The following ANO6 variants were observed in gnomAD, a reference collection of about 807,000 sequenced individuals.
The protein encoded by ANO6 is anoctamin-6.
Under a neutral mutation model 117.5 loss-of-function variants are expected in ANO6, and 106 were observed. The observed-to-expected ratio is 0.90, with a 90% CI of 0.77 to 1.06. The LOEUF (loss-of-function observed/expected upper bound fraction) is 1.06, where lower values mean the gene tolerates loss of function less well. ANO6 is among the 50% of genes least tolerant of loss of function. The pLI, the probability that ANO6 is intolerant of heterozygous loss-of-function variation, is 0.00. For synonymous variants in ANO6, 367 were observed against 385.1 expected, an observed-to-expected ratio of 0.95 and a Z score of 0.55; for missense variants, 955 against 1,121.1, an observed-to-expected ratio of 0.85 and a Z score of 2.12.
At chr12:45,301,827 A>G (rs568103411) in intron 1 of ANO6, among the ~76,000 whole-genome samples, 187 bp from the exon 2 acceptor site, 8 of 152,336 alleles carry the variant, frequency 5.3e-5, no homozygotes, top group Admixed American at 2.0e-4. Context: ...ATCGTCTGGT[A>G]GATCCAATAG....
In ANO6 at chr12:45,431,592, A is replaced by AT; in HGVS notation, c.*2282dup. The AT allele has an allele frequency of 1.5e-5, 15 of 985,464 alleles. No individual in the cohort carries two copies. The highest frequency in any genetic ancestry group is 1.6e-5 in the Non-Finnish European group (13 of 829,932). The allele number at this position is 985,464 out of a possible 1,614,324, so 61.0% of individuals were successfully genotyped here. A position where few individuals can be genotyped will look rare whatever the true frequency, so the allele number is the denominator to read the frequency against. ...AAATGTAATATCTGACACTGTTAAG[A>AT]TGCCCAAAAGAGCAAAGTTGTAGTG... On this transcript the variant is annotated 3_prime_UTR_variant, in exon 20 of 20. Transcript: ENST00000320560.
rs571114617 is a variant in ANO6, at chr12:45,429,525, A to T, written c.*214A>T. 2 of 1,369,462 alleles carry T rather than the reference A, an allele frequency of 1.5e-6. No individual in the cohort carries two copies. Among genetic ancestry groups the T allele is most frequent in the Middle Eastern group, 2.8e-4 (1 of 3,616 alleles). 84.8% of individuals were successfully genotyped at this position (1,369,462 alleles called of 1,614,324 possible). A position where few individuals can be genotyped will look rare whatever the true frequency, so the allele number is the denominator to read the frequency against. ...GAAGGGCATAAAACTTATCACCCGG[A>T]AAACCTCAATGTTACCTTTTTCTGA... On this transcript the variant is annotated 3_prime_UTR_variant, in exon 20 of 20. Coordinates refer to ENST00000320560, the MANE Select transcript of ANO6 (RefSeq NM_001025356.3).
chr12:45,437,303 T>C (rs1226187214), downstream of ANO6, among the ~76,000 whole-genome samples: 2 of 152,196 alleles, frequency 1.3e-5, no homozygotes, highest in Non-Finnish European at 2.9e-5. Flanking sequence ...ATAGACTGAA[T>C]GCAGGAGCAG....
intron 1 of ANO6, among the ~76,000 whole-genome samples, chr12:45,260,650 T>G (rs1035166835): frequency 1.3e-5 from 2 of 152,130 alleles, no homozygotes; most frequent in Non-Finnish European, 2.9e-5. Flanking sequence ...CAAGTCCTGC[T>G]CAGAGGGATT....
Position 45,312,226 on chromosome 12 carries a change from A to G in ANO6, c.150+10133A>G, listed in dbSNP as rs367961695. ...TATTTACCATGGAACTCATTTGATT[A>G]TAAGTCATCTAGAAGCATAATCACA... On this transcript the variant is annotated intron_variant, in intron 2 of 19. Coordinates refer to ENST00000320560, the MANE Select transcript of ANO6 (RefSeq NM_001025356.3). Among the ~76,000 whole-genome samples the G allele has an allele frequency of 1.9e-4, 29 of 152,218 alleles. No individual in the cohort carries two copies. In the East Asian group the frequency reaches 4.6e-3, roughly 24 times the overall value.
chr12:45,283,049 G>A lies in ANO6; in HGVS notation c.71-18965G>A, dbSNP rs372440367. On this transcript the variant is annotated intron_variant, in intron 1 of 19. Transcript: ENST00000320560. ...TAGAAGCATACTATTCTATTGTGCT[G>A]TAGTGTTGTCTGGATATTTTAGTTT... is the stretch of plus-strand genomic sequence containing the variant. Among the ~76,000 whole-genome samples, 188 of 152,304 alleles carry A rather than the reference G, an allele frequency of 1.2e-3. 3 individuals are homozygous for A. The South Asian group carries it at 0.036, about 30-fold the overall frequency.
intron 1 of ANO6, among the ~76,000 whole-genome samples, chr12:45,293,582 G>A (rs1172827290): frequency 6.6e-6 from 1 of 151,192 alleles, no homozygotes; most frequent in Non-Finnish European, 1.5e-5. Flanking sequence ...TTATTTTTTT[G>A]AGACAGTCTC....
intron 15 of ANO6, among the ~76,000 whole-genome samples, chr12:45,404,827 C>CA (rs919255625): frequency 3.2e-4 from 48 of 152,322 alleles, no homozygotes; most frequent in East Asian, 7.7e-4. Flanking sequence ...CGCCTCCTGC[C>CA]ATGTTGCCCT....
At chr12:45,343,017 GT>G (rs557142592) in intron 3 of ANO6, among the ~76,000 whole-genome samples, 4 of 152,098 alleles carry the variant, frequency 2.6e-5, no homozygotes, top group Non-Finnish European at 5.9e-5. Flanking sequence ...TTTCCAGTGA[GT>G]GGCTGCCCTT....
chr12:45,237,634 G>A (rs1046159359), intron 1 of ANO6, among the ~76,000 whole-genome samples: 1 of 152,212 alleles, frequency 6.6e-6, no homozygotes, highest in Non-Finnish European at 1.5e-5. Context: ...TAGGCTTGTA[G>A]TATAGTTTGA....
Position 45,348,218 on chromosome 12 carries a change from A to T in ANO6, c.536A>T (p.Gln179Leu), listed in dbSNP as rs1941191957. ...SVDESIIKPE[Q>L]EFFTAPFEKN... ...GACGAAAGCATCATCAAGCCAGAGC[A>T]AGAGTTTTTCACTGCCCCATTTGAG... is the stretch of plus-strand genomic sequence containing the variant. Residue 179 changes from glutamine to leucine, a missense_variant, in exon 5 of 20, where the codon CAA (glutamine) becomes CTA (leucine). Coordinates refer to ENST00000320560, the MANE Select transcript of ANO6 (RefSeq NM_001025356.3). 2 of 1,613,972 alleles carry T rather than the reference A, an allele frequency of 1.2e-6. No homozygotes were observed. The highest frequency in any genetic ancestry group is 2.7e-5 in the African/African-American group (2 of 74,906).
intron 10 of ANO6, among the ~76,000 whole-genome samples, chr12:45,380,297 CT>C (rs1372776902): frequency 6.6e-6 from 1 of 152,192 alleles, no homozygotes; most frequent in Non-Finnish European, 1.5e-5. Flanking sequence ...ATCTTGCCTA[CT>C]TACACCTGAT....
chr12:45,367,128 C>A (rs187144947), intron 8 of ANO6, among the ~76,000 whole-genome samples: 2 of 152,098 alleles, frequency 1.3e-5, no homozygotes, highest in African/African-American at 4.8e-5. Flanking sequence ...ATTACAGGCA[C>A]GCACCACCAT....
chr12:45,389,482 A>G (rs1942385616), intron 11 of ANO6, among the ~76,000 whole-genome samples: 1 of 152,260 alleles, frequency 6.6e-6, no homozygotes. Flanking sequence ...TGGTCATTTA[A>G]ACCTGCCAAT....
At chr12:45,253,868 A>G (rs1288379742) in intron 1 of ANO6, among the ~76,000 whole-genome samples, 1 of 152,198 alleles carries the variant, frequency 6.6e-6, no homozygotes, top group Non-Finnish European at 1.5e-5. Flanking sequence ...ATAATTCACC[A>G]TTCATCAGGA....
In ANO6 at chr12:45,429,295, G is replaced by A. The variant is rs371827697; in HGVS notation, c.2717G>A (p.Arg906Gln). ...ATAGAAGCAGTAGATAACAATTTAC[G>A]GCCAAAATCAGAATAAGAGCTTTAT... The part of the protein sequence containing the change: ...RMIEAVDNNL[R>Q]PKSE The change falls in exon 20 of 20, where the codon CGG becomes CAG. Residue 906 changes from arginine to glutamine, a missense_variant. By Grantham distance (43) the Arg-to-Gln change is conservative. Transcript: ENST00000320560. 3.1e-5 allele frequency: 50 copies of A among 1,613,238 alleles called. 1 individual carries two copies. The highest frequency in any genetic ancestry group is 5.5e-5 in the South Asian group (5 of 91,038).
chr12:45,315,137 C>G (rs562747558), intron 2 of ANO6, among the ~76,000 whole-genome samples: 2 of 152,254 alleles, frequency 1.3e-5, no homozygotes, highest in South Asian at 4.1e-4. Context: ...TGGAAATGTT[C>G]TGCCTCTGTG....
chr12:45,344,685 C>T (rs1024612053), intron 3 of ANO6, among the ~76,000 whole-genome samples: 6 of 152,140 alleles, frequency 3.9e-5, no homozygotes, highest in Non-Finnish European at 8.8e-5. Flanking sequence ...CCATGTCGGG[C>T]ATATACTGGT....
intron 1 of ANO6, among the ~76,000 whole-genome samples, chr12:45,274,033 T>C (rs1938470940): frequency 6.6e-6 from 1 of 152,212 alleles, no homozygotes; most frequent in Non-Finnish European, 1.5e-5. Context: ...TTCATGATGC[T>C]ACTTTATCTT....
Sources: allele counts gnomAD v4.1 joint callset (sites outside exome capture counted in the v4.1 genomes callset), GRCh38; gene constraint gnomAD v4.1.1; transcripts MANE v1.5; gene names NCBI Gene and HGNC (gene_info 2026-07-23, HGNC 2026-07-21).